Variants in NCOA7 observed in about 807,000 individuals in gnomAD.
NCOA7 encodes the protein 140 kDa estrogen receptor-associated protein.
A neutral mutation model predicts 104.3 loss-of-function variants in NCOA7; 45 were observed. That is an observed-to-expected ratio of 0.43 (90% CI 0.34 to 0.55). The LOEUF is 0.55. NCOA7 is among the 20% of genes least tolerant of loss of function. NCOA7 has a pLI of 0.02. For missense variants in NCOA7, 1,041 were observed against 1,119.7 expected, an observed-to-expected ratio of 0.93 and a Z score of 1.00; for synonymous variants, 398 against 402.3, an observed-to-expected ratio of 0.99 and a Z score of 0.13.
intron 2 of NCOA7, among the ~76,000 whole-genome samples, chr6:125,843,133 C>T (rs981624746): frequency 1.3e-5 from 2 of 152,066 alleles, no homozygotes; most frequent in African/African-American, 4.8e-5. Flanking sequence ...GATTAAGGGC[C>T]TTGATATAGG....
At chr6:125,926,261 G>A (rs1327356740) in intron 13 of NCOA7, among the ~76,000 whole-genome samples, 3 of 149,102 alleles carry the variant, frequency 2.0e-5, no homozygotes, top group Non-Finnish European at 4.4e-5. Context: ...CAGAGGGGCT[G>A]AGATCATGCC....
intron 2 of NCOA7, among the ~76,000 whole-genome samples, chr6:125,830,384 T>C (rs1364912472): frequency 6.6e-6 from 1 of 152,122 alleles, no homozygotes; most frequent in Non-Finnish European, 1.5e-5. Flanking sequence ...TATGACCTGA[T>C]TAATGCAAAT....
intron 1 of NCOA7, among the ~76,000 whole-genome samples, chr6:125,806,170 A>G (rs1476250491): frequency 2.0e-5 from 3 of 152,012 alleles, no homozygotes; most frequent in Non-Finnish European, 4.4e-5. Flanking sequence ...GCAAAACCCC[A>G]TCTCTACTAA....
At chr6:125,840,361 T>A (rs1780011722) in intron 2 of NCOA7, among the ~76,000 whole-genome samples, 1 of 151,894 alleles carries the variant, frequency 6.6e-6, no homozygotes, top group Non-Finnish European at 1.5e-5. Context: ...TATTATTGAA[T>A]GAGGGAAAAA....
intron 1 of NCOA7, among the ~76,000 whole-genome samples, chr6:125,808,907 A>C (rs1027511621): frequency 3.3e-5 from 5 of 152,214 alleles, no homozygotes; most frequent in Non-Finnish European, 7.3e-5. Flanking sequence ...AAGGAAACTC[A>C]CATTTGTTTA....
rs181852549 is a variant in NCOA7 at position 125,876,798 on chromosome 6, G to A, written c.352-1465G>A. On this transcript the variant is annotated intron_variant, in intron 4 of 15. Coordinates refer to ENST00000392477, the MANE Select transcript of NCOA7 (RefSeq NM_181782.5). ...TTAAAGAGCCTGCTAGCACTTACCC[G>A]ATTGCTTTTACTACTCCTGAGCTGT... Among the ~76,000 whole-genome samples, 8 of 152,098 alleles carry A rather than the reference G, an allele frequency of 5.3e-5. No individual in the cohort carries two copies. In the East Asian group the frequency reaches 9.7e-4, roughly 18 times the overall value.
At chr6:125,837,804 A>G (rs1779753780) in intron 2 of NCOA7, among the ~76,000 whole-genome samples, 1 of 152,198 alleles carries the variant, frequency 6.6e-6, no homozygotes, top group African/African-American at 2.4e-5. Context: ...GCACTTATTA[A>G]AGAAATTACG....
chr6:125,890,622 T>C lies in NCOA7; in HGVS notation c.1928-20T>C, dbSNP rs1401015165. 3.1e-6 allele frequency: 5 copies of C among 1,594,478 alleles called. No individual in the cohort carries two copies. In the African/African-American group the frequency reaches 5.4e-5, roughly 17 times the overall value. Reference sequence around the variant, plus strand: ...CAATATTGTCAATATTGAGGAACAGTTTTTTCGTGTGTGATTCAGATATAC... The same window carrying C: ...CAATATTGTCAATATTGAGGAACAGCTTTTTCGTGTGTGATTCAGATATAC... On this transcript the variant is annotated intron_variant, in intron 9 of 15. Transcript: ENST00000392477.
At position 125,889,921 on chromosome 6, in the gene NCOA7, A is replaced by G. The variant is rs1240695876; in HGVS notation, c.1867A>G (p.Met623Val). 1.9e-6 allele frequency: 3 copies of G among 1,584,978 alleles called. No homozygotes were observed. The highest frequency in any genetic ancestry group is 2.7e-5 in the African/African-American group (2 of 73,290). The change falls in exon 9 of 16, where the codon ATG becomes GTG. Residue 623 changes from methionine to valine, a missense_variant. Met to Val is a conservative substitution (Grantham distance 21, BLOSUM62 1). Around this residue, in one of 2 missense-constraint regions of NCOA7, gnomAD observed 914 missense variants for 942.7 expected, o/e 0.97. Transcript: ENST00000392477. ...TLDNSCQGAQ[M>V]DNKSEVQLWL... ...GGACAACAGCTGTCAAGGTGCACAA[A>G]TGGATAATAAATCTGAAGTTCAGTT...
At chr6:125,888,889 T>C in intron 8 of NCOA7, 50 bp from the exon 9 acceptor site, 1 of 1,402,758 alleles carries the variant, frequency 7.1e-7, no homozygotes, top group Non-Finnish European at 9.5e-7. Flanking sequence ...ATTTTGTTTT[T>C]GGTTTTATTT....
intron 11 of NCOA7, among the ~76,000 whole-genome samples, chr6:125,918,571 T>TG (rs1787281356): frequency 6.6e-6 from 1 of 152,214 alleles, no homozygotes; most frequent in Non-Finnish European, 1.5e-5. Flanking sequence ...ATTGATCCAG[T>TG]GCTGATCTGT....
intron 2 of NCOA7, among the ~76,000 whole-genome samples, chr6:125,819,420 A>G (rs1345043234): frequency 1.3e-5 from 2 of 151,946 alleles, no homozygotes; most frequent in East Asian, 3.9e-4. Flanking sequence ...AATTCTGGAT[A>G]AGACCTGATG....
chr6:125,869,330 C>G (rs546022064), intron 3 of NCOA7, among the ~76,000 whole-genome samples: 10 of 152,158 alleles, frequency 6.6e-5, no homozygotes, highest in East Asian at 1.9e-4. Flanking sequence ...GTCTTCCCCC[C>G]CACCAGCATA....
At chr6:125,885,079 C>G in intron 7 of NCOA7, 80 bp from the exon 8 acceptor site, 1 of 1,459,290 alleles carries the variant, frequency 6.9e-7, no homozygotes, top group South Asian at 1.2e-5. Flanking sequence ...GAGTGGCCAT[C>G]TGAGTTAATT....
chr6:125,892,136 G>T (rs1054292332), intron 10 of NCOA7, among the ~76,000 whole-genome samples: 2 of 152,186 alleles, frequency 1.3e-5, no homozygotes, highest in African/African-American at 4.8e-5. Flanking sequence ...ATTGTGGGTT[G>T]TGTAAACTTG....
In NCOA7 at chr6:125,889,093, C is replaced by T. The variant is rs764412233; in HGVS notation, c.1039C>T (p.Pro347Ser). 3 of 1,614,092 alleles carry T rather than the reference C, an allele frequency of 1.9e-6. No individual in the cohort carries two copies. The highest frequency in any genetic ancestry group is 2.5e-6 in the Non-Finnish European group (3 of 1,179,984). The change falls in exon 9 of 16, where the codon CCA becomes TCA. Residue 347 changes from proline (P) to serine (S), a missense_variant. Around this residue, in one of 2 missense-constraint regions of NCOA7, gnomAD observed 914 missense variants for 942.7 expected, o/e 0.97. Transcript: ENST00000392477. ...GEKIMTSDSR[P>S]IVPLEKSTGH... ...GAAAATTATGACTTCGGATTCCAGA[C>T]CAATAGTACCTTTGGAGAAGTCCAC... is the stretch of plus-strand genomic sequence containing the variant.
At chr6:125,914,475 G>C (rs79035336) in intron 10 of NCOA7, among the ~76,000 whole-genome samples, 4 of 152,172 alleles carry the variant, frequency 2.6e-5, no homozygotes, top group African/African-American at 9.6e-5. Flanking sequence ...TTTTGTTTTA[G>C]TCCTATTAAT....
At chr6:125,914,517 A>G (rs951856405) in intron 10 of NCOA7, among the ~76,000 whole-genome samples, 1 of 152,216 alleles carries the variant, frequency 6.6e-6, no homozygotes, top group Non-Finnish European at 1.5e-5. Flanking sequence ...TATAAATTTT[A>G]AAAATCATAA....
intron 3 of NCOA7, among the ~76,000 whole-genome samples, chr6:125,859,637 A>C (rs760096864): frequency 3.3e-5 from 5 of 152,230 alleles, no homozygotes; most frequent in Admixed American, 3.3e-4. Flanking sequence ...ATAAAGTAAA[A>C]GTAAGGGCTT....
Sources: allele counts gnomAD v4.1 joint callset (sites outside exome capture counted in the v4.1 genomes callset), GRCh38; gene constraint gnomAD v4.1.1; regional missense constraint gnomAD v4.1.1; transcripts MANE v1.5; gene names NCBI Gene and HGNC (gene_info 2026-07-23, HGNC 2026-07-21).